Variants in DIAPH3 observed in about 807,000 individuals in gnomAD.
DIAPH3 encodes diaphanous related formin 3.
A neutral mutation model predicts 144.3 loss-of-function variants in DIAPH3; 117 were observed. The ratio of observed to expected loss-of-function variants is 0.81; its 90% CI spans 0.70 to 0.95. DIAPH3 has a LOEUF of 0.95. DIAPH3 is among the 40% of genes least tolerant of loss of function. DIAPH3 has a pLI of 0.00. For synonymous variants in DIAPH3, 519 were observed against 488.9 expected, an observed-to-expected ratio of 1.06 and a Z score of -0.81; for missense variants, 1,421 against 1,412.7, an observed-to-expected ratio of 1.01 and a Z score of -0.09.
At chr13:60,026,562 T>C (rs910182423) in intron 5 of DIAPH3, among the ~76,000 whole-genome samples, 23 of 152,102 alleles carry the variant, frequency 1.5e-4, no homozygotes, top group Admixed American at 1.5e-3. Flanking sequence ...AGGTCTGGGC[T>C]CCATATGAAA....
intron 3 of DIAPH3, among the ~76,000 whole-genome samples, chr13:60,107,059 T>A (rs761541002): frequency 6.6e-6 from 1 of 152,124 alleles, no homozygotes; most frequent in Non-Finnish European, 1.5e-5. Context: ...TGGTAAAACT[T>A]TAATAGTGTG....
intron 22 of DIAPH3, among the ~76,000 whole-genome samples, chr13:59,843,454 A>G (rs960650544): frequency 2.0e-5 from 3 of 152,160 alleles, no homozygotes; most frequent in Non-Finnish European, 4.4e-5. Context: ...GACTTTTCCA[A>G]TTCTGTGGTT....
chr13:60,110,180 T>C (rs1476143134), intron 3 of DIAPH3, among the ~76,000 whole-genome samples: 2 of 152,214 alleles, frequency 1.3e-5, no homozygotes, highest in Non-Finnish European at 2.9e-5. Context: ...TGTTACTTCA[T>C]GTAAAAATTA....
At chr13:59,771,303 G>C (rs1463423439) in intron 27 of DIAPH3, among the ~76,000 whole-genome samples, 2 of 151,862 alleles carry the variant, frequency 1.3e-5, no homozygotes, top group Non-Finnish European at 2.9e-5. Flanking sequence ...TTTAGGCTTT[G>C]GATATATATT....
rs1233674128 is a variant in DIAPH3, at chr13:59,795,455, C to CTTTT, written c.3163+15329_3163+15332dup. 5.6e-4 allele frequency among the ~76,000 whole-genome samples: 77 copies of CTTTT among 136,876 alleles called. No individual in the cohort carries two copies. In the South Asian group the frequency reaches 8.7e-3, roughly 15 times the overall value. The allele number at this position is 136,876 out of a possible 152,430, so 89.8% of individuals were successfully genotyped here. A position where few individuals can be genotyped will look rare whatever the true frequency, so the allele number is the denominator to read the frequency against. ...AATTTAGGTATATCATTCTCTCTCTCTTTTTTTTTTTTTTTTTGAGATGGA... is the reference window on the plus strand; with the variant it reads ...AATTTAGGTATATCATTCTCTCTCTCTTTTTTTTTTTTTTTTTTTTTGAGATGGA... On this transcript the variant is annotated intron_variant, in intron 25 of 27. Transcript: ENST00000400324.
rs1334713567 is a variant in DIAPH3 at position 59,666,315 on chromosome 13, A to G, written c.*269T>C. ...CTACCTGCTCTCTAAAGCAATATGT[A>G]TAATTTAACCACCAAATAAAGAACT... is the stretch of plus-strand genomic sequence containing the variant. On this transcript the variant is annotated 3_prime_UTR_variant, in exon 28 of 28. Coordinates refer to ENST00000400324, the MANE Select transcript of DIAPH3 (RefSeq NM_001042517.2). 4 of 387,504 alleles carry G rather than the reference A, an allele frequency of 1.0e-5. No individual in the cohort carries two copies. The highest frequency in any genetic ancestry group is 3.9e-5 in the South Asian group (1 of 25,866). 24.0% of individuals were successfully genotyped at this position (387,504 alleles called of 1,614,324 possible).
At chr13:59,911,648 C>T in intron 20 of DIAPH3, 87 bp downstream of exon 20, 3 of 1,000,232 alleles carry the variant, frequency 3.0e-6, no homozygotes, top group South Asian at 1.3e-5. Context: ...TACTCACATG[C>T]TTTTTTACAT....
intron 1 of DIAPH3, among the ~76,000 whole-genome samples, chr13:60,136,857 G>A (rs1242702354): frequency 6.6e-6 from 1 of 151,934 alleles, no homozygotes; most frequent in Non-Finnish European, 1.5e-5. Flanking sequence ...GGAGAATGGC[G>A]TGAACCCGGG....
chr13:59,729,808 A>AATT (rs1555283088), intron 27 of DIAPH3, among the ~76,000 whole-genome samples: 5 of 115,186 alleles, frequency 4.3e-5, no homozygotes, highest in Non-Finnish European at 6.8e-5. Flanking sequence ...GAATACATTA[A>AATT]TATTTTTTTT....
intron 2 of DIAPH3, among the ~76,000 whole-genome samples, chr13:60,126,373 T>A (rs934495776): frequency 6.6e-6 from 1 of 152,138 alleles, no homozygotes; most frequent in Non-Finnish European, 1.5e-5. Context: ...TAAAAACTAA[T>A]AAAAATTATT....
chr13:60,142,039 T>C (rs1054373203), intron 1 of DIAPH3, among the ~76,000 whole-genome samples: 43 of 152,214 alleles, frequency 2.8e-4, no homozygotes, highest in Non-Finnish European at 1.5e-5. Flanking sequence ...CAAGGGAGCT[T>C]GTTGGCTCCA....
At chr13:59,957,109 T>C (rs1388204197) in intron 17 of DIAPH3, among the ~76,000 whole-genome samples, 2 of 152,254 alleles carry the variant, frequency 1.3e-5, no homozygotes, top group East Asian at 1.9e-4. Context: ...CTGTGAACTT[T>C]TGAGTTAATG....
At chr13:59,715,611 T>TA (rs1185593638) in intron 27 of DIAPH3, among the ~76,000 whole-genome samples, 6,559 of 146,012 alleles carry the variant, frequency 0.045, 223 homozygotes, top group Admixed American at 0.11. Flanking sequence ...TTCTTTAGAG[T>TA]AAAAAAAAAA....
intron 2 of DIAPH3, among the ~76,000 whole-genome samples, chr13:60,112,803 A>G (rs1374673317): frequency 6.6e-6 from 1 of 152,210 alleles, no homozygotes; most frequent in East Asian, 1.9e-4. Flanking sequence ...TGTTGCAATG[A>G]AATTTCTTCT....
intron 16 of DIAPH3, among the ~76,000 whole-genome samples, chr13:59,970,608 A>G (rs2050308531): frequency 6.6e-6 from 1 of 152,142 alleles, no homozygotes; most frequent in Admixed American, 6.5e-5. Context: ...ATTCCACTGG[A>G]ACAACATCAA....
chr13:60,129,813 G>A (rs2059093657), intron 2 of DIAPH3, among the ~76,000 whole-genome samples: 1 of 152,100 alleles, frequency 6.6e-6, no homozygotes, highest in African/African-American at 2.4e-5. Context: ...TAACACACCA[G>A]AAATAGTTTA....
chr13:59,905,627 C>G (rs1230735476), intron 20 of DIAPH3, among the ~76,000 whole-genome samples: 1 of 152,042 alleles, frequency 6.6e-6, no homozygotes, highest in Non-Finnish European at 1.5e-5. Context: ...CTTTACATAG[C>G]AAAAGAGACT....
intron 25 of DIAPH3, among the ~76,000 whole-genome samples, chr13:59,777,362 C>T (rs2038473777): frequency 6.6e-6 from 1 of 151,964 alleles, no homozygotes; most frequent in South Asian, 2.1e-4. Flanking sequence ...CTAAAAAATA[C>T]ATAGTAATAA....
chr13:59,863,828 A>G (rs565305612), intron 21 of DIAPH3, among the ~76,000 whole-genome samples: 1 of 152,284 alleles, frequency 6.6e-6, no homozygotes, highest in African/African-American at 2.4e-5. Context: ...TCCATTGACT[A>G]CCTAGACAAA....
Sources: allele counts gnomAD v4.1 joint callset (sites outside exome capture counted in the v4.1 genomes callset), GRCh38; gene constraint gnomAD v4.1.1; transcripts MANE v1.5; gene names NCBI Gene and HGNC (gene_info 2026-07-23, HGNC 2026-07-21).